SPNS2: variants seen among roughly 807,000 people sequenced by gnomAD.
SPNS2 encodes sphingosine-1-phosphate transporter SPNS2.
Under a neutral mutation model 57.6 loss-of-function variants are expected in SPNS2, and 37 were observed. The ratio of observed to expected loss-of-function variants is 0.64; its 90% CI spans 0.49 to 0.85. The LOEUF (loss-of-function observed/expected upper bound fraction) is 0.85, where lower values mean the gene tolerates loss of function less well. Ranked by LOEUF, SPNS2 falls within the 40% of genes least tolerant of loss-of-function variation. The pLI is 0.00. For synonymous variants in SPNS2, 440 were observed against 346.9 expected (o/e 1.27, Z -2.98); for missense variants, 831 against 779.1 (o/e 1.07, Z -0.79).
Position 4,512,115 on chromosome 17 carries a change from G to A in SPNS2, c.371-1132G>A, listed in dbSNP as rs1484743187. On this transcript the variant is annotated intron_variant, in intron 1 of 12. Transcript: ENST00000329078. This position sits in a 1 kb window ranked among gnomAD's most constrained non-coding sequence, Gnocchi z 5.2. Reference sequence around the variant, plus strand: ...TCTGTTGAATGCTGCCATCATCATCGTCATCATGAAGAGCTCTGGAGTCCC... The same window carrying A: ...TCTGTTGAATGCTGCCATCATCATCATCATCATGAAGAGCTCTGGAGTCCC... Among the ~76,000 whole-genome samples the A allele has an allele frequency of 6.6e-6, 1 of 152,160 alleles. No homozygotes were observed. The highest frequency in any genetic ancestry group is 2.1e-4 in the South Asian group (1 of 4,828).
In SPNS2 at chr17:4,499,607, A is replaced by T. The variant is rs1251426717; in HGVS notation, c.370+190A>T. 4.8e-6 allele frequency: 2 copies of T among 415,256 alleles called. No homozygotes were observed. The highest frequency in any genetic ancestry group is 8.4e-6 in the Non-Finnish European group (2 of 237,042). 25.7% of individuals were successfully genotyped at this position (415,256 alleles called of 1,614,324 possible). ...CCTCCGTGCACCACGGGTACAATCC[A>T]GCTCCCCGCTCATACACACCCGGGG... On this transcript the variant is annotated intron_variant, in intron 1 of 12. Coordinates refer to ENST00000329078, the MANE Select transcript of SPNS2 (RefSeq NM_001124758.3). The surrounding 1 kb of genome is among the most constrained non-coding windows in gnomAD (Gnocchi z 5.2).
intron 2 of SPNS2, among the ~76,000 whole-genome samples, chr17:4,524,445 G>C (rs1460367084): frequency 6.6e-6 from 1 of 152,226 alleles, no homozygotes; most frequent in Non-Finnish European, 1.5e-5. Flanking sequence ...AGCACTTTGG[G>C]AGGCCAAAGT....
intron 2 of SPNS2, among the ~76,000 whole-genome samples, chr17:4,524,090 G>C (rs1421471797): frequency 6.6e-6 from 1 of 152,224 alleles, no homozygotes; most frequent in Non-Finnish European, 1.5e-5. Flanking sequence ...AGTGAGGGCA[G>C]CTGTGTGGTC....
intron 2 of SPNS2, among the ~76,000 whole-genome samples, chr17:4,514,186 A>C (rs9904583): frequency 0.036 from 5,507 of 152,308 alleles, 116 homozygotes; most frequent in Middle Eastern, 0.051. Flanking sequence ...TTGGGGCGGG[A>C]GGCCTGGTCC....
intron 8 of SPNS2, 175 bp from the exon 9 acceptor site, chr17:4,533,613 C>T: frequency 1.0e-6 from 1 of 991,388 alleles, no homozygotes; most frequent in South Asian, 1.5e-5. Context: ...CCTCTGGGTG[C>T]CTCAGGGCCG....
In SPNS2 at chr17:4,538,372, C is replaced by T. The variant is rs1010727668; in HGVS notation, c.*924C>T. On this transcript the variant is annotated 3_prime_UTR_variant, in exon 13 of 13. Coordinates refer to ENST00000329078, the MANE Select transcript of SPNS2 (RefSeq NM_001124758.3). ...GGGCTCCGGCTGCTGGAGGAAGCAG[C>T]TATCCACAAAGCTTCCTGCCCCAGA... The T allele has an allele frequency of 2.2e-5, 4 of 182,004 alleles. No homozygotes were observed. The highest frequency in any genetic ancestry group is 3.4e-5 in the Non-Finnish European group (3 of 87,170). 11.3% of individuals were successfully genotyped at this position (182,004 alleles called of 1,614,324 possible). A position where few individuals can be genotyped will look rare whatever the true frequency, so the allele number is the denominator to read the frequency against.
intron 2 of SPNS2, among the ~76,000 whole-genome samples, chr17:4,516,897 G>A (rs1302156826): frequency 6.6e-6 from 1 of 152,184 alleles, no homozygotes; most frequent in African/African-American, 2.4e-5. Context: ...CGTCTTCGAA[G>A]CTTGTTACGG....
intron 1 of SPNS2, among the ~76,000 whole-genome samples, chr17:4,500,824 C>T (rs76999535): frequency 0.012 from 1,757 of 151,956 alleles, 29 homozygotes; most frequent in African/African-American, 0.041. Flanking sequence ...GCTTTCAACC[C>T]CCCTTGGCTC....
Position 4,533,329 on chromosome 17 carries a change from C to A in SPNS2, c.1175C>A (p.Thr392Asn). Residue 392 changes from threonine to asparagine, a missense_variant, in exon 8 of 13, where the codon ACC becomes AAC. Around this residue, in one of 2 missense-constraint regions of SPNS2, gnomAD observed 526 missense variants for 400.9 expected, o/e 1.31. Coordinates refer to ENST00000329078, the MANE Select transcript of SPNS2 (RefSeq NM_001124758.3). ...GCCACGCGCTGGTGCCGCCTGAAGACCCAGCGGGCCGACCCACTGGTGTGT... is the reference window on the plus strand; with the variant it reads ...GCCACGCGCTGGTGCCGCCTGAAGAACCAGCGGGCCGACCCACTGGTGTGT... ...AGATRWCRLK[T>N]QRADPLVCAV... The A allele has an allele frequency of 6.2e-7, 1 of 1,611,968 alleles. No homozygotes were observed. The highest frequency in any genetic ancestry group is 8.5e-7 in the Non-Finnish European group (1 of 1,179,666).
chr17:4,530,855 C>G (rs1345057713), intron 4 of SPNS2, 72 bp downstream of exon 4: 3 of 1,560,712 alleles, frequency 1.9e-6, no homozygotes, highest in Admixed American at 3.5e-5. Context: ...AGTTCTCCCA[C>G]TCCCTGGGGT....
At chr17:4,535,597 C>G (rs1905740906) in intron 9 of SPNS2, among the ~76,000 whole-genome samples, 1 of 151,814 alleles carries the variant, frequency 6.6e-6, no homozygotes, top group Non-Finnish European at 1.5e-5. Flanking sequence ...GGCTCGGGTA[C>G]TCCGAGGCTC....
intron 3 of SPNS2, 130 bp downstream of exon 3, chr17:4,525,323 C>A: frequency 7.6e-7 from 1 of 1,317,714 alleles, no homozygotes; most frequent in Non-Finnish European, 1.0e-6. Flanking sequence ...ACTGTCTTCC[C>A]AGTGCAGAAG....
At chr17:4,514,986 C>G (rs1232373313) in intron 2 of SPNS2, among the ~76,000 whole-genome samples, 1 of 152,336 alleles carries the variant, frequency 6.6e-6, no homozygotes, top group South Asian at 2.1e-4. Context: ...CAAGGCTCTA[C>G]CCCACGCATC....
Position 4,510,586 on chromosome 17 carries a change from A to G in SPNS2, c.371-2661A>G, listed in dbSNP as rs921421455. 5.3e-4 allele frequency among the ~76,000 whole-genome samples: 80 copies of G among 152,236 alleles called. No homozygotes were observed. The highest frequency in any genetic ancestry group is 1.8e-3 in the African/African-American group (73 of 41,552). On this transcript the variant is annotated intron_variant, in intron 1 of 12. Transcript: ENST00000329078. This position sits in a 1 kb window ranked among gnomAD's most constrained non-coding sequence, Gnocchi z 4.4. The stretch of plus-strand genomic sequence containing the variant: ...ATGTCATCATGATGGCTATTTTGAT[A>G]TGGCCTCCCTCCCAGAAATGGAACC...
At chr17:4,533,458 C>T in intron 8 of SPNS2, 26 bp downstream of exon 8, 2 of 1,564,360 alleles carry the variant, frequency 1.3e-6, no homozygotes, top group Non-Finnish European at 8.7e-7. Flanking sequence ...GTCAAGGGTG[C>T]TGGGGGAGCT....
chr17:4,527,765 G>A (rs1003198082), intron 3 of SPNS2, among the ~76,000 whole-genome samples: 3 of 152,188 alleles, frequency 2.0e-5, no homozygotes, highest in Admixed American at 6.5e-5. Flanking sequence ...CAAAGCTGTG[G>A]GGAATCGGGG....
intron 4 of SPNS2, 74 bp downstream of exon 4, chr17:4,530,857 C>T (rs1316687857): frequency 6.4e-7 from 1 of 1,555,532 alleles, no homozygotes; most frequent in East Asian, 2.3e-5. Context: ...TTCTCCCACT[C>T]CCTGGGGTTC....
intron 1 of SPNS2, among the ~76,000 whole-genome samples, chr17:4,501,573 C>G (rs1046525908): frequency 1.2e-4 from 19 of 152,206 alleles, no homozygotes; most frequent in African/African-American, 4.6e-4. Flanking sequence ...CACACCACCC[C>G]ACCCCCAACA....
At position 4,538,045 on chromosome 17, in the gene SPNS2, G is replaced by A. The variant is rs200431084; in HGVS notation, c.*597G>A. The A allele has an allele frequency of 2.8e-6, 1 of 351,710 alleles. No individual in the cohort carries two copies. The highest frequency in any genetic ancestry group is 7.5e-5 in the East Asian group (1 of 13,358). 21.8% of individuals were successfully genotyped at this position (351,710 alleles called of 1,614,324 possible). ...AATGAAGCTGGGCGCCCAAGTCTCT[G>A]GGTACTCCCTGGAGGACACTGTCTC... On this transcript the variant is annotated 3_prime_UTR_variant, in exon 13 of 13. Transcript: ENST00000329078.
Sources: allele counts gnomAD v4.1 joint callset (sites outside exome capture counted in the v4.1 genomes callset), GRCh38; gene constraint gnomAD v4.1.1; regional missense constraint gnomAD v4.1.1; non-coding constraint Gnocchi (gnomAD v3.1); transcripts MANE v1.5; gene names NCBI Gene and HGNC (gene_info 2026-07-23, HGNC 2026-07-21).